Variants in ANKS6 observed in about 807,000 individuals in gnomAD.
ANKS6 encodes the protein ankyrin repeat and SAM domain-containing protein 6.
In ANKS6, 47 loss-of-function variants were observed where a neutral mutation model predicts 77.9. That is an observed-to-expected ratio of 0.60 (90% CI 0.48 to 0.77). The LOEUF (loss-of-function observed/expected upper bound fraction) is 0.77, where lower values mean the gene tolerates loss of function less well. Ranked by LOEUF, ANKS6 falls within the 30% of genes least tolerant of loss-of-function variation. The pLI is 0.00. For synonymous variants in ANKS6, 488 were observed against 501.7 expected (o/e 0.97, Z 0.37); for missense variants, 1,150 against 1,159.1 (o/e 0.99, Z 0.11).
At chr9:98,751,509 G>A (rs1832430150) in intron 12 of ANKS6, among the ~76,000 whole-genome samples, 1 of 152,204 alleles carries the variant, frequency 6.6e-6, no homozygotes, top group Non-Finnish European at 1.5e-5. Flanking sequence ...CTAGTGTGAG[G>A]AAGAACTTAA....
At chr9:98,754,541 C>G (rs1832595919) in intron 12 of ANKS6, among the ~76,000 whole-genome samples, 1 of 151,856 alleles carries the variant, frequency 6.6e-6, no homozygotes, top group Non-Finnish European at 1.5e-5. Flanking sequence ...ACTTGGCAGG[C>G]TGAGGCAGGA....
At chr9:98,794,979 G>C (rs1264888085) in intron 1 of ANKS6, among the ~76,000 whole-genome samples, 1 of 152,162 alleles carries the variant, frequency 6.6e-6, no homozygotes, top group Non-Finnish European at 1.5e-5. Context: ...AAGCCAGTCA[G>C]CATTAACATG....
intron 13 of ANKS6, among the ~76,000 whole-genome samples, chr9:98,749,252 G>A (rs762930504): frequency 1.3e-5 from 2 of 152,118 alleles, no homozygotes; most frequent in African/African-American, 2.4e-5. Context: ...AACCTCACAC[G>A]AACCTAACAC....
intron 11 of ANKS6, among the ~76,000 whole-genome samples, chr9:98,757,424 T>C (rs948197114): frequency 1.3e-5 from 2 of 152,166 alleles, no homozygotes; most frequent in African/African-American, 2.4e-5. Flanking sequence ...GTCAGGTATT[T>C]TGAAGAATGC....
rs1832084309 is a variant in ANKS6 at position 98,745,598 on chromosome 9, C to T, written c.2472G>A (p.Gln824=). The T allele has an allele frequency of 6.2e-7, 1 of 1,614,084 alleles. No individual in the cohort carries two copies. The highest frequency in any genetic ancestry group is 1.1e-5 in the South Asian group (1 of 91,088). The part of the protein sequence containing the change: ...ELGIKTDGSR[Q]QILAAISELN... ...GTTCAGAAATCGCTGCCAGAATCTG[C>T]TGCCTGGACCCATCTGTCTTAATTC... The change falls in exon 14 of 15, where the codon CAG becomes CAA. Residue 824 remains glutamine, a synonymous_variant. Transcript: ENST00000353234.
At chr9:98,748,048 C>A (rs2117863866) in intron 13 of ANKS6, among the ~76,000 whole-genome samples, 2 of 152,374 alleles carry the variant, frequency 1.3e-5, no homozygotes, top group Middle Eastern at 6.8e-3. Flanking sequence ...CCCAGGTCTT[C>A]TCTGGCCCTC....
rs1201542848 is a variant in ANKS6, at chr9:98,736,525, A to G, written c.2610T>C (p.Cys870=). The G allele has an allele frequency of 1.2e-6, 2 of 1,610,722 alleles. No individual in the cohort carries two copies. Among genetic ancestry groups the G allele is most frequent in the Admixed American group, 1.7e-5 (1 of 59,866 alleles). The change falls in exon 15 of 15, where the codon TGT becomes TGC. Residue 870 remains cysteine, a synonymous_variant. Coordinates refer to ENST00000353234, the MANE Select transcript of ANKS6 (RefSeq NM_173551.5). ...SNTRAPGNSP[C]A is the part of the protein sequence containing the mutation. Reference sequence around the variant, plus strand: ...GTGGCTGCGGGAAGGAGGATCACGCACAGGGGCTGTTGCCAGGGGCCCTGG... The same window carrying G: ...GTGGCTGCGGGAAGGAGGATCACGCGCAGGGGCTGTTGCCAGGGGCCCTGG...
chr9:98,757,795 G>A (rs555505492), intron 11 of ANKS6, among the ~76,000 whole-genome samples: 4 of 152,130 alleles, frequency 2.6e-5, no homozygotes, highest in Admixed American at 1.3e-4. Context: ...AAGTGTGGTG[G>A]TGGGTGCCTG....
chr9:98,780,061 C>T, intron 6 of ANKS6, 128 bp downstream of exon 6: 1 of 1,318,194 alleles, frequency 7.6e-7, no homozygotes, highest in Non-Finnish European at 1.1e-6. Context: ...TGCTCAATGC[C>T]AGCTCACCTG....
At chr9:98,755,185 A>G (rs534557160) in intron 12 of ANKS6, among the ~76,000 whole-genome samples, 15 of 152,320 alleles carry the variant, frequency 9.8e-5, no homozygotes, top group African/African-American at 3.4e-4. Flanking sequence ...AGCCTGTGCA[A>G]GTGATTCCAA....
chr9:98,760,956 A>C (rs1396856190), intron 11 of ANKS6, among the ~76,000 whole-genome samples: 1 of 152,228 alleles, frequency 6.6e-6, no homozygotes, highest in Non-Finnish European at 1.5e-5. Flanking sequence ...GTTTTATAAG[A>C]AACTGCCTAT....
In ANKS6 at chr9:98,745,611, T is replaced by G. The variant is rs1180960955; in HGVS notation, c.2459A>C (p.Asp820Ala). 9 of 1,614,034 alleles carry G rather than the reference T, an allele frequency of 5.6e-6. No individual in the cohort carries two copies. The highest frequency in any genetic ancestry group is 7.6e-6 in the Non-Finnish European group (9 of 1,180,028). Residue 820 changes from aspartate (D) to alanine (A), a missense_variant, in exon 14 of 15, where the codon GAT becomes GCT. Asp to Ala is a moderately radical substitution (Grantham distance 126). Coordinates refer to ENST00000353234, the MANE Select transcript of ANKS6 (RefSeq NM_173551.5). Reference sequence around the variant, plus strand: ...TGCCAGAATCTGCTGCCTGGACCCATCTGTCTTAATTCCCAGCTCCTTCAA... The same window carrying G: ...TGCCAGAATCTGCTGCCTGGACCCAGCTGTCTTAATTCCCAGCTCCTTCAA... ...GDLKELGIKT[D>A]GSRQQILAAI...
chr9:98,779,354 A>G (rs1292490147), intron 6 of ANKS6, among the ~76,000 whole-genome samples: 4 of 152,216 alleles, frequency 2.6e-5, no homozygotes, highest in African/African-American at 9.6e-5. Context: ...GGGAGACCCC[A>G]GAGTGGCATG....
In ANKS6 at chr9:98,791,128, G is replaced by T. The variant is rs1437239064; in HGVS notation, c.360-522C>A. On this transcript the variant is annotated intron_variant, in intron 1 of 14. Coordinates refer to ENST00000353234, the MANE Select transcript of ANKS6 (RefSeq NM_173551.5). The surrounding 1 kb of genome is among the most constrained non-coding windows in gnomAD (Gnocchi z 4.3). ...GCCCTTGCTTTTTCTCTTACACCAT[G>T]CTGCCTCCTACATTTCAGACAGTCG... Among the ~76,000 whole-genome samples the T allele has an allele frequency of 2.0e-5, 3 of 152,178 alleles. No homozygotes were observed. Among genetic ancestry groups the T allele is most frequent in the Admixed American group, 6.5e-5 (1 of 15,282 alleles).
rs142280703 is a variant in ANKS6 at position 98,756,349 on chromosome 9, T to C, written c.2326+71A>G. 278 of 1,534,690 alleles carry C rather than the reference T, an allele frequency of 1.8e-4. No homozygotes were observed. The African/African-American group carries it at 3.5e-3, about 19-fold the overall frequency. On this transcript the variant is annotated intron_variant, in intron 12 of 14. Coordinates refer to ENST00000353234, the MANE Select transcript of ANKS6 (RefSeq NM_173551.5). ...GATGGTTATAGCAATTAAGGTCACC[T>C]TGCAGTTCCTTGCTGCCAGGTCATC...
chr9:98,739,091 G>C (rs1358221360), intron 14 of ANKS6, among the ~76,000 whole-genome samples: 1 of 150,558 alleles, frequency 6.6e-6, no homozygotes, highest in African/African-American at 2.4e-5. Flanking sequence ...CATTAAGAAT[G>C]ACACAGTGGA....
At position 98,735,716 on chromosome 9, in the gene ANKS6, GGAA is replaced by G. The variant is rs748502949; in HGVS notation, c.*800_*802del. On this transcript the variant is annotated 3_prime_UTR_variant, in exon 15 of 15. Transcript: ENST00000353234. ...TTGCAGATAAGGAAACTGAAAGCTAGGAAGAAGAAGGGATCCACACAGCAGGCC... is the reference window on the plus strand; with the variant it reads ...TTGCAGATAAGGAAACTGAAAGCTAGGAAGAAGGGATCCACACAGCAGGCC... 6 of 1,231,544 alleles carry G rather than the reference GGAA, an allele frequency of 4.9e-6. No individual in the cohort carries two copies. Among genetic ancestry groups the G allele is most frequent in the African/African-American group, 1.6e-5 (1 of 64,386 alleles). The allele number at this position is 1,231,544 out of a possible 1,614,324, so 76.3% of individuals were successfully genotyped here. A position where few individuals can be genotyped will look rare whatever the true frequency, so the allele number is the denominator to read the frequency against.
intron 3 of ANKS6, 108 bp from the exon 4 acceptor site, chr9:98,784,265 G>C (rs1310977067): frequency 3.8e-6 from 4 of 1,053,156 alleles, no homozygotes; most frequent in African/African-American, 1.6e-5. Context: ...TGCCTCTGCA[G>C]TGGGCTGCTG....
At position 98,736,478 on chromosome 9, in the gene ANKS6, G is replaced by A. The variant is rs201107431; in HGVS notation, c.*41C>T. 645 of 1,565,436 alleles carry A rather than the reference G, an allele frequency of 4.1e-4. 10 individuals are homozygous for A. In the South Asian group the frequency reaches 6.6e-3, roughly 16 times the overall value. On this transcript the variant is annotated 3_prime_UTR_variant, in exon 15 of 15. Coordinates refer to ENST00000353234, the MANE Select transcript of ANKS6 (RefSeq NM_173551.5). ...GGCTGTGGCCACGTGAAGGGGTCCCGGGATTCAGAGAGCTCACGCTGGTGG... is the reference window on the plus strand; with the variant it reads ...GGCTGTGGCCACGTGAAGGGGTCCCAGGATTCAGAGAGCTCACGCTGGTGG...
Sources: gnomAD v4.1 joint callset for allele counts (sites outside exome capture counted in the v4.1 genomes callset) on GRCh38, gnomAD v4.1.1 for gene constraint, Gnocchi (gnomAD v3.1) non-coding constraint, MANE v1.5 for transcripts, NCBI Gene and HGNC (gene_info 2026-07-23, HGNC 2026-07-21) for gene names.